The following MMP16 variants were observed in gnomAD, a reference collection of about 807,000 sequenced individuals.
The protein encoded by MMP16 is matrix metallopeptidase 16.
In MMP16, 12 loss-of-function variants were observed where a neutral mutation model predicts 67.8. That is an observed-to-expected ratio of 0.18 (90% confidence interval 0.11 to 0.29). MMP16 has a LOEUF of 0.29. Ranked by LOEUF, MMP16 falls within the 10% of genes least tolerant of loss-of-function variation. The probability of loss-of-function intolerance (pLI) is 1.00; values close to 1 mark genes in which losing one functional copy is unlikely to be tolerated. For missense variants in MMP16, 475 were observed against 765.7 expected, an observed-to-expected ratio of 0.62 and a Z score of 4.48; for synonymous variants, 249 against 255.9, an observed-to-expected ratio of 0.97 and a Z score of 0.26.
At chr8:88,088,285 A>C (rs1341744050) in intron 6 of MMP16, among the ~76,000 whole-genome samples, 1 of 151,596 alleles carries the variant, frequency 6.6e-6, no homozygotes, top group Non-Finnish European at 1.5e-5. Context: ...AGAGAAAAGA[A>C]ATAGTCAATA....
intron 7 of MMP16, among the ~76,000 whole-genome samples, chr8:88,063,414 A>G (rs537776177): frequency 6.6e-6 from 1 of 152,070 alleles, no homozygotes; most frequent in Non-Finnish European, 1.5e-5. Flanking sequence ...GACAGTCAAC[A>G]AATAATCCCA....
At chr8:88,316,271 T>A (rs1438628758) in intron 1 of MMP16, among the ~76,000 whole-genome samples, 3 of 152,132 alleles carry the variant, frequency 2.0e-5, no homozygotes, top group Admixed American at 1.3e-4. Context: ...AAGATTTCAA[T>A]ATAGACAAAA....
At chr8:88,282,624 CCT>C (rs1208545156) in intron 1 of MMP16, among the ~76,000 whole-genome samples, 8 of 152,056 alleles carry the variant, frequency 5.3e-5, no homozygotes, top group African/African-American at 1.9e-4. Flanking sequence ...GTTACTTCCC[CCT>C]GAATTAGAAA....
At position 88,327,060 on chromosome 8, in the gene MMP16, C is replaced by T; in HGVS notation, c.132+15G>A. On this transcript the variant is annotated intron_variant, in intron 1 of 9. Coordinates refer to ENST00000286614, the MANE Select transcript of MMP16 (RefSeq NM_005941.5). ...CCAGGCAGCGGGGGGAGGAAGAAAG[C>T]CCTCGCACTCTTACCTCCACATTGA... The T allele has an allele frequency of 6.2e-7, 1 of 1,613,482 alleles. No individual in the cohort carries two copies. The highest frequency in any genetic ancestry group is 8.5e-7 in the Non-Finnish European group (1 of 1,179,606).
At chr8:88,180,516 A>G (rs1376446803) in intron 3 of MMP16, among the ~76,000 whole-genome samples, 1 of 152,160 alleles carries the variant, frequency 6.6e-6, no homozygotes, top group Non-Finnish European at 1.5e-5. Context: ...GATTTCATAG[A>G]AAAGAAAATT....
intron 6 of MMP16, among the ~76,000 whole-genome samples, chr8:88,093,667 C>T (rs1408842436): frequency 1.3e-5 from 2 of 151,952 alleles, no homozygotes; most frequent in East Asian, 3.9e-4. Context: ...ATAATAATTA[C>T]ATAAATGATG....
chr8:88,219,810 C>T (rs1021670834), intron 1 of MMP16, among the ~76,000 whole-genome samples: 1 of 152,036 alleles, frequency 6.6e-6, no homozygotes, highest in African/African-American at 2.4e-5. Context: ...ATGCCATTTT[C>T]GTGTATTGAA....
chr8:88,149,224 T>G (rs1808352016), intron 4 of MMP16, among the ~76,000 whole-genome samples: 1 of 152,190 alleles, frequency 6.6e-6, no homozygotes, highest in Admixed American at 6.5e-5. Context: ...CCACGGAATC[T>G]CGCTGATTGC....
rs1039463328 is a variant in MMP16, at chr8:88,103,508, T to C, written c.1083+12999A>G. On this transcript the variant is annotated intron_variant, in intron 6 of 9. Coordinates refer to ENST00000286614, the MANE Select transcript of MMP16 (RefSeq NM_005941.5). ...TTGTCATAGACTCCTTTGCAATCACTTTCAGGTCAATATAGTGCTTTGCAC... is the reference window on the plus strand; with the variant it reads ...TTGTCATAGACTCCTTTGCAATCACCTTCAGGTCAATATAGTGCTTTGCAC... Among the ~76,000 whole-genome samples, 28 of 151,798 alleles carry C rather than the reference T, an allele frequency of 1.8e-4. 4 individuals carry two copies. Among genetic ancestry groups the C allele is most frequent in the Admixed American group, 1.7e-3 (26 of 15,200 alleles).
intron 4 of MMP16, among the ~76,000 whole-genome samples, chr8:88,146,268 C>T (rs1381610245): frequency 1.3e-5 from 2 of 151,884 alleles, no homozygotes; most frequent in Non-Finnish European, 2.9e-5. Context: ...GCAAAATATA[C>T]CTTATATGTA....
At position 88,234,887 on chromosome 8, in the gene MMP16, A is replaced by ACAGC. The variant is rs1461565094; in HGVS notation, c.133-37585_133-37582dup. Among the ~76,000 whole-genome samples, 22 of 152,360 alleles carry ACAGC rather than the reference A, an allele frequency of 1.4e-4. No individual in the cohort carries two copies. In the South Asian group the frequency reaches 2.3e-3, roughly 16 times the overall value. On this transcript the variant is annotated intron_variant, in intron 1 of 9. Coordinates refer to ENST00000286614, the MANE Select transcript of MMP16 (RefSeq NM_005941.5). ...ATAAGTTTACAACATTACCCAAGTTACAGCCTGTGGGTAAATGTATTTTAC... is the reference window on the plus strand; with the variant it reads ...ATAAGTTTACAACATTACCCAAGTTACAGCCAGCCTGTGGGTAAATGTATTTTAC...
At chr8:88,324,752 C>A (rs1347302981) in intron 1 of MMP16, among the ~76,000 whole-genome samples, 3 of 151,314 alleles carry the variant, frequency 2.0e-5, no homozygotes, top group Admixed American at 6.6e-5. Flanking sequence ...TGTTTCCTAT[C>A]AAAAAAAAGT....
intron 6 of MMP16, among the ~76,000 whole-genome samples, chr8:88,096,114 T>C (rs1809021628): frequency 6.6e-6 from 1 of 151,948 alleles, no homozygotes; most frequent in Non-Finnish European, 1.5e-5. Context: ...AAGAACGTTG[T>C]TTATTGATTT....
intron 3 of MMP16, among the ~76,000 whole-genome samples, chr8:88,174,198 T>C (rs1456684769): frequency 2.0e-5 from 3 of 152,270 alleles, no homozygotes; most frequent in Admixed American, 2.0e-4. Flanking sequence ...AACTAATCAA[T>C]ATAGCACTAT....
At chr8:88,200,834 T>C (rs557653939) in intron 1 of MMP16, among the ~76,000 whole-genome samples, 1 of 152,008 alleles carries the variant, frequency 6.6e-6, no homozygotes, top group African/African-American at 2.4e-5. Flanking sequence ...GAAAAATGAT[T>C]ATATAAAAAA....
chr8:88,212,644 CCT>C (rs569253741), intron 1 of MMP16, among the ~76,000 whole-genome samples: 1 of 152,102 alleles, frequency 6.6e-6, no homozygotes, highest in Non-Finnish European at 1.5e-5. Context: ...ATCTCATGAG[CCT>C]CTCTGAGATT....
chr8:88,079,157 A>G (rs577473505), intron 6 of MMP16, among the ~76,000 whole-genome samples: 1 of 152,228 alleles, frequency 6.6e-6, no homozygotes, highest in Admixed American at 6.5e-5. Flanking sequence ...GACAGAGGAA[A>G]GCTCTTTTCT....
At chr8:88,251,024 G>A (rs1251848561) in intron 1 of MMP16, among the ~76,000 whole-genome samples, 7 of 149,538 alleles carry the variant, frequency 4.7e-5, no homozygotes, top group Admixed American at 6.7e-5. Context: ...GAGAATATGC[G>A]GTGTTTGGTT....
At chr8:88,140,172 T>G (rs1203811697) in intron 4 of MMP16, among the ~76,000 whole-genome samples, 2 of 152,080 alleles carry the variant, frequency 1.3e-5, no homozygotes. Flanking sequence ...CTCACAGAAC[T>G]TGCAAATTGG....
Sources: allele counts gnomAD v4.1 joint callset (sites outside exome capture counted in the v4.1 genomes callset), GRCh38; gene constraint gnomAD v4.1.1; transcripts MANE v1.5; gene names NCBI Gene and HGNC (gene_info 2026-07-23, HGNC 2026-07-21).